The following FBXW7 variants were observed in gnomAD, a reference collection of about 807,000 sequenced individuals.
FBXW7 encodes F-box and WD repeat domain containing 7.
In FBXW7, 11 loss-of-function variants were observed where a neutral mutation model predicts 86.3. That is an observed-to-expected ratio of 0.13 (90% CI 0.08 to 0.21). The LOEUF is 0.21. Among genes scored for constraint, FBXW7 ranks in the 10% least tolerant of loss-of-function variants. The probability of loss-of-function intolerance (pLI) is 1.00; values close to 1 mark genes in which losing one functional copy is unlikely to be tolerated. For missense variants in FBXW7, 488 were observed against 847.4 expected (o/e 0.58, Z 5.27); for synonymous variants, 313 against 297.9 (o/e 1.05, Z -0.52).
At chr4:152,491,737 G>C (rs1206635854) in intron 2 of FBXW7, among the ~76,000 whole-genome samples, 3 of 151,978 alleles carry the variant, frequency 2.0e-5, no homozygotes, top group African/African-American at 7.3e-5. Flanking sequence ...GGAAAACTTT[G>C]AACACACAAA....
At chr4:152,519,743 G>C (rs962001810) in intron 2 of FBXW7, among the ~76,000 whole-genome samples, 2 of 152,176 alleles carry the variant, frequency 1.3e-5, no homozygotes, top group Admixed American at 1.3e-4. Context: ...CCAATAGGAT[G>C]ATTTTCTATC....
chr4:152,522,673 A>G (rs1477214212), intron 2 of FBXW7, among the ~76,000 whole-genome samples: 1 of 152,054 alleles, frequency 6.6e-6, no homozygotes, highest in Non-Finnish European at 1.5e-5. Context: ...CAGAAACATC[A>G]CCAAATAGTG....
chr4:152,332,918 T>C (rs1729696293), intron 7 of FBXW7, among the ~76,000 whole-genome samples, 199 bp from the exon 8 acceptor site: 1 of 152,112 alleles, frequency 6.6e-6, no homozygotes, highest in South Asian at 2.1e-4. Flanking sequence ...ATGGTTTTTA[T>C]GAACTTCACT....
At chr4:152,351,333 A>T (rs1397182012) in intron 4 of FBXW7, among the ~76,000 whole-genome samples, 1 of 152,068 alleles carries the variant, frequency 6.6e-6, no homozygotes, top group Non-Finnish European at 1.5e-5. Flanking sequence ...TGATCTTACG[A>T]CATTAGGGGC....
chr4:152,492,025 A>T (rs1475438199), intron 2 of FBXW7, among the ~76,000 whole-genome samples: 1 of 152,178 alleles, frequency 6.6e-6, no homozygotes, highest in African/African-American at 2.4e-5. Flanking sequence ...AAGGCCCCTT[A>T]TGCACCCTCC....
chr4:152,430,415 C>T (rs1199641606), intron 2 of FBXW7, among the ~76,000 whole-genome samples: 2 of 151,762 alleles, frequency 1.3e-5, no homozygotes, highest in Non-Finnish European at 2.9e-5. Context: ...TGAAAAATTA[C>T]AGATTACATA....
At chr4:152,323,193 G>A (rs2126467585) in intron 13 of FBXW7, 44 bp from the exon 14 acceptor site, 1 of 1,584,402 alleles carries the variant, frequency 6.3e-7, no homozygotes, top group Non-Finnish European at 8.6e-7. Context: ...TAGAAATAAT[G>A]GCTATGAGTT....
At chr4:152,342,633 C>T (rs549873780) in intron 6 of FBXW7, among the ~76,000 whole-genome samples, 1 of 152,186 alleles carries the variant, frequency 6.6e-6, no homozygotes, top group African/African-American at 2.4e-5. Context: ...ACTCACTTCT[C>T]TAGCACCTCT....
intron 2 of FBXW7, among the ~76,000 whole-genome samples, chr4:152,431,312 G>T (rs965481647): frequency 5.3e-5 from 8 of 151,946 alleles, no homozygotes; most frequent in East Asian, 4.0e-4. Flanking sequence ...CATTCTGCAA[G>T]GTAGAATGAG....
intron 2 of FBXW7, among the ~76,000 whole-genome samples, chr4:152,525,686 T>C (rs1749445419): frequency 6.6e-6 from 1 of 152,254 alleles, no homozygotes; most frequent in Non-Finnish European, 1.5e-5. Flanking sequence ...CCACATTTTC[T>C]TTATCCAATC....
chr4:152,355,813 A>C (rs1035818482), intron 4 of FBXW7, among the ~76,000 whole-genome samples: 1 of 152,118 alleles, frequency 6.6e-6, no homozygotes, highest in Non-Finnish European at 1.5e-5. Context: ...GGAAAAAAAA[A>C]CAACACAAAT....
intron 4 of FBXW7, chr4:152,352,777 A>T (rs1233535509): frequency 1.2e-6 from 2 of 1,600,412 alleles, no homozygotes; most frequent in Admixed American, 1.7e-5. Flanking sequence ...ATAATGAGAG[A>T]GAACGGAGAA....
chr4:152,431,344 C>T (rs561823222), intron 2 of FBXW7, among the ~76,000 whole-genome samples: 143 of 152,202 alleles, frequency 9.4e-4, no homozygotes, highest in African/African-American at 3.3e-3. Context: ...AGCAACAGCA[C>T]AACAGTGGGT....
At chr4:152,522,733 G>A (rs1010049378) in intron 2 of FBXW7, among the ~76,000 whole-genome samples, 4 of 152,176 alleles carry the variant, frequency 2.6e-5, no homozygotes, top group Non-Finnish European at 4.4e-5. Flanking sequence ...ACTAAGCACT[G>A]TTTCGAGCTT....
intron 4 of FBXW7, among the ~76,000 whole-genome samples, chr4:152,402,962 A>C (rs909349902): frequency 7.9e-5 from 12 of 152,198 alleles, no homozygotes; most frequent in Admixed American, 7.2e-4. Context: ...CTCATTTGTA[A>C]GTTCAAGTCT....
intron 2 of FBXW7, among the ~76,000 whole-genome samples, chr4:152,422,050 C>T (rs1413577123): frequency 6.6e-6 from 1 of 151,788 alleles, no homozygotes; most frequent in Non-Finnish European, 1.5e-5. Flanking sequence ...AAGAGACTTG[C>T]TCAACACAGG....
Position 152,412,518 on chromosome 4 carries a change from AAG to A in FBXW7, c.-110_-109del, listed in dbSNP as rs1420522613. ...AACTCCACTTCTGGCAATCTATCCT[AAG>A]GAAGTAATCCTAAAACAGAAAAAAA... is the stretch of plus-strand genomic sequence containing the variant. On this transcript the variant is annotated 5_prime_UTR_variant, in exon 3 of 14. Coordinates refer to ENST00000281708, the MANE Select transcript of FBXW7 (RefSeq NM_001349798.2). 2 of 151,944 alleles carry A rather than the reference AAG, an allele frequency of 1.3e-5. No individual in the cohort carries two copies. Among genetic ancestry groups the A allele is most frequent in the Non-Finnish European group, 2.9e-5 (2 of 67,932 alleles). The allele number at this position is 151,944 out of a possible 1,614,324, so 9.4% of individuals were successfully genotyped here.
chr4:152,413,006 A>G (rs755341158), intron 2 of FBXW7, among the ~76,000 whole-genome samples: 8 of 152,082 alleles, frequency 5.3e-5, no homozygotes, highest in Non-Finnish European at 1.0e-4. Flanking sequence ...GCTGGTATCT[A>G]TATGGACATC....
intron 2 of FBXW7, among the ~76,000 whole-genome samples, chr4:152,434,543 C>A (rs775212955): frequency 1.8e-4 from 27 of 152,086 alleles, no homozygotes; most frequent in Non-Finnish European, 2.8e-4. Context: ...GTCTCTATGT[C>A]CCCAACTTTC....
Sources: allele counts gnomAD v4.1 joint callset (sites outside exome capture counted in the v4.1 genomes callset), GRCh38; gene constraint gnomAD v4.1.1; transcripts MANE v1.5; gene names NCBI Gene and HGNC (gene_info 2026-07-23, HGNC 2026-07-21).